Variants in CAMKK2 observed in about 807,000 individuals in gnomAD.
CAMKK2 encodes calcium/calmodulin dependent protein kinase kinase 2.
Under a neutral mutation model 67.2 loss-of-function variants are expected in CAMKK2, and 30 were observed. The ratio of observed to expected loss-of-function variants is 0.45; its 90% CI spans 0.33 to 0.61. The LOEUF (loss-of-function observed/expected upper bound fraction) is 0.61. CAMKK2 is among the 20% of genes least tolerant of loss of function. The probability of loss-of-function intolerance (pLI) is 0.02; values close to 1 mark genes in which losing one functional copy is unlikely to be tolerated. For synonymous variants in CAMKK2, 322 were observed against 326.2 expected (o/e 0.99, Z 0.14); for missense variants, 643 against 802.0 (o/e 0.80, Z 2.39).
intron 14 of CAMKK2, among the ~76,000 whole-genome samples, chr12:121,246,257 G>T (rs554194717): frequency 3.3e-5 from 5 of 150,382 alleles, no homozygotes; most frequent in African/African-American, 4.9e-5. Context: ...AAGGAGCGGG[G>T]GGGGGGAGGC....
At chr12:121,279,836 C>T (rs934149771) in intron 1 of CAMKK2, among the ~76,000 whole-genome samples, 5 of 152,214 alleles carry the variant, frequency 3.3e-5, no homozygotes, top group African/African-American at 1.2e-4. Context: ...ATGAGGGAAA[C>T]GCTCCTTCCT....
At chr12:121,267,970 A>T (rs1894950930) in intron 5 of CAMKK2, among the ~76,000 whole-genome samples, 2 of 151,404 alleles carry the variant, frequency 1.3e-5, no homozygotes, top group Admixed American at 6.6e-5. Context: ...ATAATATGTG[A>T]GCTTTTGTGT....
chr12:121,280,129 G>A (rs1298208871), intron 1 of CAMKK2, among the ~76,000 whole-genome samples: 3 of 152,198 alleles, frequency 2.0e-5, no homozygotes, highest in African/African-American at 7.2e-5. Context: ...GCCAGCCAAA[G>A]TCAGGGACCC....
chr12:121,251,775 C>T (rs187633255), intron 11 of CAMKK2, among the ~76,000 whole-genome samples: 15 of 146,646 alleles, frequency 1.0e-4, no homozygotes, highest in African/African-American at 3.1e-4. Context: ...TGCAGTGAGC[C>T]GAGATCGCAC....
Position 121,240,817 on chromosome 12 carries a change from C to A in CAMKK2, c.1649G>T (p.Gly550Val), listed in dbSNP as rs1462274102. 1 of 1,611,666 alleles carries A rather than the reference C, an allele frequency of 6.2e-7. No homozygotes were observed. The highest frequency in any genetic ancestry group is 1.3e-5 in the African/African-American group (1 of 74,872). ...GCCTCTCACAAGAGCACTTCCTCCT[C>A]CCCCACGGGGGGCGGGTCGGTGCCC... Reference protein sequence around the residue: ...PPGHRPAPRGGGGSALVRGSP... With the variant: ...PPGHRPAPRGVGGSALVRGSP... Residue 550 changes from glycine (G) to valine (V), a missense_variant, in exon 17 of 17, where the codon GGA becomes GTA. By Grantham distance (109) the Gly-to-Val change is moderately radical. Around this residue, in one of 3 missense-constraint regions of CAMKK2, gnomAD observed 140 missense variants for 124.2 expected, o/e 1.13. Transcript: ENST00000404169. The surrounding 1 kb of genome is among the most constrained non-coding windows in gnomAD (Gnocchi z 4.4).
At position 121,274,180 on chromosome 12, in the gene CAMKK2, T is replaced by C. The variant is rs1896338722; in HGVS notation, c.347A>G (p.Asp116Gly). 6 of 1,600,966 alleles carry C rather than the reference T, an allele frequency of 3.7e-6. No homozygotes were observed. Among genetic ancestry groups the C allele is most frequent in the Non-Finnish European group, 5.1e-6 (6 of 1,171,958 alleles). ...CGGGCAGATGCAGCGTCCGTTCATG[T>C]CCAGGCTGCCACCGGCTGCCAGCCC... ...QGGLAAGGSL[D>G]MNGRCICPSL... Residue 116 changes from aspartate to glycine, a missense_variant, in exon 2 of 17, where the codon GAC becomes GGC. This residue lies in a region of CAMKK2 where 483 missense variants were observed against 625.8 expected (regional missense o/e 0.77). Coordinates refer to ENST00000404169, the MANE Select transcript of CAMKK2 (RefSeq NM_001270485.2).
chr12:121,258,264 T>A (rs1892748114), intron 7 of CAMKK2, among the ~76,000 whole-genome samples: 1 of 152,194 alleles, frequency 6.6e-6, no homozygotes, highest in Non-Finnish European at 1.5e-5. Context: ...CCTCAGGGGA[T>A]CCACCTGCCT....
intron 6 of CAMKK2, among the ~76,000 whole-genome samples, chr12:121,262,739 T>C (rs73405703): frequency 0.066 from 10,070 of 151,980 alleles, 1,098 homozygotes; most frequent in African/African-American, 0.23. Context: ...TTTAAATTTT[T>C]TGTAGAGACA....
chr12:121,270,980 T>C (rs1895644850), intron 2 of CAMKK2, 35 bp from the exon 3 acceptor site: 1 of 1,594,210 alleles, frequency 6.3e-7, no homozygotes, highest in African/African-American at 1.3e-5. Flanking sequence ...CAAAATGAAT[T>C]TTAAGTTTGC....
chr12:121,268,812 G>A, intron 4 of CAMKK2, 123 bp from the exon 5 acceptor site: 3 of 842,792 alleles, frequency 3.6e-6, no homozygotes, highest in Non-Finnish European at 6.0e-6. Context: ...TGGCCCCCTG[G>A]CAGGCTCAGG....
chr12:121,282,336 G>A (rs781165031), intron 1 of CAMKK2, among the ~76,000 whole-genome samples: 3 of 152,138 alleles, frequency 2.0e-5, no homozygotes, highest in Non-Finnish European at 4.4e-5. Context: ...AATGCTACAG[G>A]GACTGGGCTC....
At chr12:121,257,831 G>A (rs1001767192) in intron 7 of CAMKK2, among the ~76,000 whole-genome samples, 1 of 152,038 alleles carries the variant, frequency 6.6e-6, no homozygotes, top group African/African-American at 2.4e-5. Flanking sequence ...GGTTATTTAA[G>A]TCTTCACTTG....
chr12:121,251,448 T>C (rs1402868084), intron 11 of CAMKK2, among the ~76,000 whole-genome samples: 3 of 152,156 alleles, frequency 2.0e-5, no homozygotes, highest in Admixed American at 6.5e-5. Context: ...TTCTTAGGCT[T>C]TCCTCAATAA....
At chr12:121,252,742 G>T in intron 10 of CAMKK2, 28 bp from the exon 11 acceptor site, 1 of 1,611,882 alleles carries the variant, frequency 6.2e-7, no homozygotes, top group South Asian at 1.1e-5. Flanking sequence ...TAGTGTGAGG[G>T]CATAAGGGGT....
At chr12:121,289,801 G>A (rs899236962) in intron 1 of CAMKK2, among the ~76,000 whole-genome samples, 7 of 151,244 alleles carry the variant, frequency 4.6e-5, no homozygotes, top group East Asian at 1.9e-4. Flanking sequence ...GTTGAGGCAC[G>A]ACAATCGCCT....
chr12:121,249,916 C>A (rs368651593), intron 12 of CAMKK2, 42 bp from the exon 13 acceptor site: 4 of 1,613,144 alleles, frequency 2.5e-6, no homozygotes, highest in Admixed American at 3.3e-5. Context: ...ACGGGACCGC[C>A]AAGAACTCGG....
At chr12:121,267,145 T>G (rs1391338527) in intron 5 of CAMKK2, among the ~76,000 whole-genome samples, 1 of 142,308 alleles carries the variant, frequency 7.0e-6, no homozygotes, top group African/African-American at 2.7e-5. Flanking sequence ...AGTCTCAGTC[T>G]GTCGTCCAGG....
intron 1 of CAMKK2, among the ~76,000 whole-genome samples, chr12:121,292,175 G>A (rs2136660586): frequency 6.6e-6 from 1 of 151,500 alleles, no homozygotes; most frequent in East Asian, 1.9e-4. Context: ...GCCCAGGCAG[G>A]AGTGCAGTGG....
Position 121,249,223 on chromosome 12 carries a change from G to A in CAMKK2, c.1324-489C>T, listed in dbSNP as rs549496506. 9.2e-5 allele frequency among the ~76,000 whole-genome samples: 14 copies of A among 152,350 alleles called. No homozygotes were observed. In the East Asian group the frequency reaches 2.3e-3, roughly 25 times the overall value. ...GCCCCAATCCATGATTTTTTGGGCT[G>A]CCTTCTGTTAAGACCTTCAAATGCC... On this transcript the variant is annotated intron_variant, in intron 13 of 16. Transcript: ENST00000404169.
Sources: gnomAD v4.1 joint callset for allele counts (sites outside exome capture counted in the v4.1 genomes callset) on GRCh38, gnomAD v4.1.1 for gene constraint, gnomAD v4.1.1 regional missense constraint, Gnocchi (gnomAD v3.1) non-coding constraint, MANE v1.5 for transcripts, NCBI Gene and HGNC (gene_info 2026-07-23, HGNC 2026-07-21) for gene names.